Variants in HIVEP2 observed in about 807,000 individuals in gnomAD.
The protein encoded by HIVEP2 is transcription factor HIVEP2.
A neutral mutation model predicts 180.7 loss-of-function variants in HIVEP2; 14 were observed. The observed-to-expected ratio is 0.08, with a 90% CI of 0.05 to 0.12. HIVEP2 has a LOEUF of 0.12. Ranked by LOEUF, HIVEP2 falls within the 10% of genes least tolerant of loss-of-function variation. The pLI is 1.00. For missense variants in HIVEP2, 2,579 were observed against 3,008.5 expected (o/e 0.86, Z 3.34); for synonymous variants, 1,184 against 1,136.4 (o/e 1.04, Z -0.84).
At chr6:142,830,275 G>C (rs1400710997) in intron 2 of HIVEP2, among the ~76,000 whole-genome samples, 1 of 152,022 alleles carries the variant, frequency 6.6e-6, no homozygotes, top group African/African-American at 2.4e-5. Flanking sequence ...AAAAAGAGAA[G>C]TGCATGTGTT....
intron 2 of HIVEP2, among the ~76,000 whole-genome samples, chr6:142,820,680 T>G (rs1399009410): frequency 1.3e-5 from 2 of 152,200 alleles, no homozygotes; most frequent in Admixed American, 1.3e-4. Context: ...TTTTTCACTT[T>G]CTTTTCTCCC....
intron 2 of HIVEP2, among the ~76,000 whole-genome samples, chr6:142,798,114 C>T (rs370404070): frequency 4.6e-5 from 7 of 151,970 alleles, no homozygotes; most frequent in East Asian, 1.9e-4. Context: ...TTTCTTTGGT[C>T]ATTGCTACTA....
At chr6:142,822,091 GCTA>G (rs1562251154) in intron 2 of HIVEP2, among the ~76,000 whole-genome samples, 1 of 152,180 alleles carries the variant, frequency 6.6e-6, no homozygotes, top group Non-Finnish European at 1.5e-5. Flanking sequence ...CAGGAAAGAC[GCTA>G]CTTTTAATTC....
chr6:142,780,929 T>C (rs867461422), intron 3 of HIVEP2, among the ~76,000 whole-genome samples: 1 of 152,356 alleles, frequency 6.6e-6, no homozygotes, highest in Middle Eastern at 3.4e-3. Context: ...ATTACTAAAA[T>C]GTATAAAAAT....
At chr6:142,782,254 A>G (rs1328073164) in intron 3 of HIVEP2, among the ~76,000 whole-genome samples, 1 of 152,220 alleles carries the variant, frequency 6.6e-6, no homozygotes, top group Non-Finnish European at 1.5e-5. Flanking sequence ...ATGACATTTT[A>G]GAAGGGACAT....
intron 2 of HIVEP2, among the ~76,000 whole-genome samples, chr6:142,809,507 C>A (rs563100032): frequency 1.3e-5 from 2 of 152,196 alleles, no homozygotes; most frequent in African/African-American, 4.8e-5. Flanking sequence ...GTATTTGGCA[C>A]ACACTTGGCT....
chr6:142,768,548 G>C lies in HIVEP2; in HGVS notation c.5188-12C>G, dbSNP rs988447833. 6.2e-7 allele frequency: 1 copy of C among 1,611,512 alleles called. No homozygotes were observed. ...GCATCAGGTTTCATCTGTAAGACAAGAAGAGAGAATCATTTCACATGCTTT... is the reference window on the plus strand; with the variant it reads ...GCATCAGGTTTCATCTGTAAGACAACAAGAGAGAATCATTTCACATGCTTT... On this transcript the variant is annotated splice_polypyrimidine_tract_variant and intron_variant, in intron 5 of 9. Transcript: ENST00000367603.
In HIVEP2 at chr6:142,770,530, C is replaced by A; in HGVS notation, c.4209G>T (p.Lys1403Asn). 1 of 1,614,184 alleles carries A rather than the reference C, an allele frequency of 6.2e-7. No individual in the cohort carries two copies. Among genetic ancestry groups the A allele is most frequent in the South Asian group, 1.1e-5 (1 of 91,088 alleles). ...QVLGQHAGLEKYPIWKAPQTL... is the reference protein window; with the variant it reads ...QVLGQHAGLENYPIWKAPQTL... ...TCTGAGGTGCTTTCCAAATGGGGTA[C>A]TTCTCCAAGCCCGCATGCTGCCCCA... is the stretch of plus-strand genomic sequence containing the variant. Residue 1403 changes from lysine (K) to asparagine (N), a missense_variant, in exon 5 of 10, where the codon AAG (lysine) becomes AAT (asparagine). Coordinates refer to ENST00000367603, the MANE Select transcript of HIVEP2 (RefSeq NM_006734.4). This position sits in a 1 kb window ranked among gnomAD's most constrained non-coding sequence, Gnocchi z 4.7.
intron 1 of HIVEP2, among the ~76,000 whole-genome samples, chr6:142,884,275 T>A (rs1387081678): frequency 1.3e-5 from 2 of 151,852 alleles, no homozygotes; most frequent in Non-Finnish European, 2.9e-5. Context: ...GCCTTGGTGA[T>A]CTCTTACATT....
At chr6:142,865,110 T>C (rs1211409275) in intron 1 of HIVEP2, among the ~76,000 whole-genome samples, 1 of 152,180 alleles carries the variant, frequency 6.6e-6, no homozygotes, top group Non-Finnish European at 1.5e-5. Flanking sequence ...TGTTCTTTAA[T>C]AAGAAAATAA....
intron 1 of HIVEP2, among the ~76,000 whole-genome samples, chr6:142,866,438 C>T (rs1776139914): frequency 6.6e-6 from 1 of 152,054 alleles, no homozygotes; most frequent in African/African-American, 2.4e-5. Context: ...CCCTTATTTC[C>T]CATTAGTAGA....
At chr6:142,754,405 A>C (rs563630382) in intron 9 of HIVEP2, among the ~76,000 whole-genome samples, 1 of 152,278 alleles carries the variant, frequency 6.6e-6, no homozygotes, top group East Asian at 1.9e-4. Context: ...AGTGTTGATG[A>C]GTATATAATT....
intron 1 of HIVEP2, among the ~76,000 whole-genome samples, chr6:142,911,139 T>TAAAAAAAAAAAAAAAAAAAAAAAAAAA (rs5880554): frequency 9.4e-6 from 1 of 106,230 alleles, no homozygotes; most frequent in African/African-American, 3.9e-5. Flanking sequence ...ACAAACACAT[T>TAAAAAAAAAAAAAAAAAAAAAAAAAAA]AAAAAAAAAA....
chr6:142,868,590 T>C (rs1215210335), intron 1 of HIVEP2, among the ~76,000 whole-genome samples: 1 of 152,150 alleles, frequency 6.6e-6, no homozygotes, highest in African/African-American at 2.4e-5. Context: ...AATTAAACTT[T>C]TCAGTATGTG....
chr6:142,896,786 T>A (rs2128423494), intron 1 of HIVEP2, among the ~76,000 whole-genome samples: 1 of 152,318 alleles, frequency 6.6e-6, no homozygotes, highest in East Asian at 1.9e-4. Context: ...TGCTCCAGGA[T>A]TCTGCTCAAT....
chr6:142,754,315 T>C (rs1398871934), intron 9 of HIVEP2, among the ~76,000 whole-genome samples: 1 of 92,370 alleles, frequency 1.1e-5, no homozygotes, highest in Middle Eastern at 4.9e-3. Context: ...TAAACATTAA[T>C]AATATTTTTT....
chr6:142,905,907 G>A (rs113223596), intron 1 of HIVEP2, among the ~76,000 whole-genome samples: 5,349 of 152,274 alleles, frequency 0.035, 229 homozygotes, highest in African/African-American at 0.099. Context: ...CGAGGCGGGG[G>A]CGGACCACTG....
At chr6:142,809,296 T>A (rs1776631859) in intron 2 of HIVEP2, among the ~76,000 whole-genome samples, 1 of 152,130 alleles carries the variant, frequency 6.6e-6, no homozygotes. Context: ...TGGCACCATC[T>A]TTTCCCTGAA....
chr6:142,786,367 T>C (rs1310514848), intron 2 of HIVEP2, among the ~76,000 whole-genome samples: 1 of 152,260 alleles, frequency 6.6e-6, no homozygotes, highest in Non-Finnish European at 1.5e-5. Context: ...GAAATAGTGC[T>C]AATGAATCTT....
Sources: allele counts gnomAD v4.1 joint callset (sites outside exome capture counted in the v4.1 genomes callset), GRCh38; gene constraint gnomAD v4.1.1; non-coding constraint Gnocchi (gnomAD v3.1); transcripts MANE v1.5; gene names NCBI Gene and HGNC (gene_info 2026-07-23, HGNC 2026-07-21).